The following TLL2 variants were observed in gnomAD, a reference collection of about 807,000 sequenced individuals.
TLL2 encodes tolloid-like protein 2.
TLL2 carries 106 observed loss-of-function variants against 123.0 expected under a neutral mutation model. The ratio of observed to expected loss-of-function variants is 0.86; its 90% CI spans 0.74 to 1.01. The LOEUF (loss-of-function observed/expected upper bound fraction) is 1.01. Ranked by LOEUF, TLL2 falls within the 50% of genes least tolerant of loss-of-function variation. The probability of loss-of-function intolerance (pLI) is 0.00; values close to 1 mark genes in which losing one functional copy is unlikely to be tolerated. For missense variants in TLL2, 1,332 were observed against 1,336.7 expected, an observed-to-expected ratio of 1.00 and a Z score of 0.06; for synonymous variants, 494 against 516.8, an observed-to-expected ratio of 0.96 and a Z score of 0.60.
intron 9 of TLL2, 55 bp from the exon 10 acceptor site, chr10:96,405,389 A>G (rs530202682): frequency 2.6e-6 from 4 of 1,548,386 alleles, no homozygotes; most frequent in African/African-American, 1.4e-5. Flanking sequence ...GGAGTTTGGG[A>G]AGATATATCT....
chr10:96,448,561 G>T (rs1165924566), intron 2 of TLL2, among the ~76,000 whole-genome samples: 1 of 152,126 alleles, frequency 6.6e-6, no homozygotes, highest in African/African-American at 2.4e-5. Context: ...CAGGCCAGAC[G>T]CTGTGTCTGC....
At chr10:96,492,207 T>A (rs1238101593) in intron 1 of TLL2, among the ~76,000 whole-genome samples, 2 of 151,420 alleles carry the variant, frequency 1.3e-5, no homozygotes, top group African/African-American at 2.4e-5. Context: ...TTTGTCCCCT[T>A]TCTATAGAAG....
Position 96,499,850 on chromosome 10 carries a change from G to C in TLL2, c.175+13661C>G, listed in dbSNP as rs1847514420. On this transcript the variant is annotated intron_variant, in intron 1 of 20. Transcript: ENST00000357947. ...AAACAATCAAAAACGTATTTTAAAA[G>C]GGTCAAAATTACTGAAAAAAATACA... Among the ~76,000 whole-genome samples, 6 of 152,066 alleles carry C rather than the reference G, an allele frequency of 3.9e-5. 1 individual carries two copies. The South Asian group carries it at 1.2e-3, about 32-fold the overall frequency.
chr10:96,445,198 A>T (rs959248800), intron 3 of TLL2, among the ~76,000 whole-genome samples: 2 of 152,150 alleles, frequency 1.3e-5, no homozygotes, highest in African/African-American at 4.8e-5. Flanking sequence ...CAAAAAAAAA[A>T]ATTTTTCTTT....
intron 2 of TLL2, among the ~76,000 whole-genome samples, chr10:96,455,051 G>A (rs7087724): frequency 0.02 from 3,030 of 152,078 alleles, 100 homozygotes; most frequent in African/African-American, 0.069. Context: ...CCATAACAAT[G>A]TGAGATATCA....
rs532655944 is a variant in TLL2, at chr10:96,424,006, A to G, written c.639-1279T>C. ...GAATGAGATCCTGTCATTTGCAACA[A>G]CAGGAATGGAACTGGAGATCATTAT... On this transcript the variant is annotated intron_variant, in intron 5 of 20. Transcript: ENST00000357947. 5.3e-5 allele frequency among the ~76,000 whole-genome samples: 8 copies of G among 152,356 alleles called. No homozygotes were observed. In the East Asian group the frequency reaches 1.5e-3, roughly 29 times the overall value.
chr10:96,390,182 T>A (rs1466737096), intron 13 of TLL2, among the ~76,000 whole-genome samples: 2 of 152,210 alleles, frequency 1.3e-5, no homozygotes, highest in Non-Finnish European at 2.9e-5. Context: ...AGTAGTTAGA[T>A]GATGAGACGG....
intron 3 of TLL2, among the ~76,000 whole-genome samples, chr10:96,445,264 T>C (rs1343684217): frequency 6.6e-6 from 1 of 152,230 alleles, no homozygotes; most frequent in African/African-American, 2.4e-5. Flanking sequence ...TGAATCATGA[T>C]TCCTGCAGGA....
chr10:96,438,722 T>C (rs561312995), intron 3 of TLL2, among the ~76,000 whole-genome samples: 1 of 152,372 alleles, frequency 6.6e-6, no homozygotes, highest in East Asian at 1.9e-4. Flanking sequence ...CAGACATCCT[T>C]GCCTTGTTCT....
At chr10:96,430,704 T>C (rs1846729256) in intron 4 of TLL2, among the ~76,000 whole-genome samples, 1 of 152,164 alleles carries the variant, frequency 6.6e-6, no homozygotes, top group African/African-American at 2.4e-5. Flanking sequence ...GGTGAAACCC[T>C]GTCTCTACAA....
intron 13 of TLL2, among the ~76,000 whole-genome samples, chr10:96,389,694 G>A (rs1923699): frequency 0.047 from 7,176 of 152,264 alleles, 329 homozygotes; most frequent in African/African-American, 0.12. Flanking sequence ...TGCTGTGGCT[G>A]TAGGCAGGAC....
At chr10:96,500,051 T>A (rs1230864435) in intron 1 of TLL2, among the ~76,000 whole-genome samples, 1 of 134,708 alleles carries the variant, frequency 7.4e-6, no homozygotes, top group Non-Finnish European at 1.5e-5. Context: ...GAGGCTGAAG[T>A]AGGTAAGTCA....
At position 96,470,798 on chromosome 10, in the gene TLL2, C is replaced by T. The variant is rs577901544; in HGVS notation, c.286+9551G>A. ...CCACACCTACACGTACTAATAGTACCTACCACATAGAACTGTTGTGTGAAG... is the reference window on the plus strand; with the variant it reads ...CCACACCTACACGTACTAATAGTACTTACCACATAGAACTGTTGTGTGAAG... On this transcript the variant is annotated intron_variant, in intron 2 of 20. Transcript: ENST00000357947. 6.6e-5 allele frequency among the ~76,000 whole-genome samples: 10 copies of T among 152,308 alleles called. No individual in the cohort carries two copies. The South Asian group carries it at 2.1e-3, about 32-fold the overall frequency.
At chr10:96,374,308 G>T (rs192434774) in intron 18 of TLL2, 1 of 163,262 alleles carries the variant, frequency 6.1e-6, no homozygotes, top group East Asian at 1.8e-4. Context: ...CGCTTTACAG[G>T]TGAGGAAAAT....
intron 4 of TLL2, among the ~76,000 whole-genome samples, chr10:96,430,792 G>A (rs552498814): frequency 3.3e-5 from 5 of 152,232 alleles, no homozygotes; most frequent in African/African-American, 1.2e-4. Context: ...TGAAGTGGGA[G>A]GATCGCTTGA....
intron 1 of TLL2, among the ~76,000 whole-genome samples, chr10:96,500,103 TAAAAAAAAAAAA>T (rs58735775): frequency 1.3e-5 from 1 of 75,488 alleles, no homozygotes; most frequent in Non-Finnish European, 2.5e-5. Flanking sequence ...CAACATGATT[TAAAAAAAAAAAA>T]AAAAAGAAAA....
chr10:96,448,464 T>C (rs1846922002), intron 2 of TLL2, among the ~76,000 whole-genome samples: 1 of 152,056 alleles, frequency 6.6e-6, no homozygotes, highest in Non-Finnish European at 1.5e-5. Flanking sequence ...TTTTCATCTG[T>C]CAAATGGACT....
intron 2 of TLL2, among the ~76,000 whole-genome samples, chr10:96,461,658 C>A (rs1847082760): frequency 6.6e-6 from 1 of 152,236 alleles, no homozygotes; most frequent in Non-Finnish European, 1.5e-5. Context: ...TGCACTGCAA[C>A]CCTGATGAAA....
chr10:96,416,972 T>C (rs1846568946), intron 7 of TLL2, among the ~76,000 whole-genome samples: 1 of 152,046 alleles, frequency 6.6e-6, no homozygotes, highest in Non-Finnish European at 1.5e-5. Flanking sequence ...CAGCAAAACC[T>C]CCAAAGAGAC....
Sources: allele counts gnomAD v4.1 joint callset (sites outside exome capture counted in the v4.1 genomes callset), GRCh38; gene constraint gnomAD v4.1.1; transcripts MANE v1.5; gene names NCBI Gene and HGNC (gene_info 2026-07-23, HGNC 2026-07-21).